REV3L: variants seen among roughly 807,000 people sequenced by gnomAD.
The protein encoded by REV3L is DNA polymerase zeta catalytic subunit.
In REV3L, 69 loss-of-function variants were observed where a neutral mutation model predicts 299.4. That is an observed-to-expected ratio of 0.23 (90% CI 0.19 to 0.28). The LOEUF (loss-of-function observed/expected upper bound fraction) is 0.28. Ranked by LOEUF, REV3L falls within the 10% of genes least tolerant of loss-of-function variation. The pLI is 1.00. For missense variants in REV3L, 3,128 were observed against 3,693.8 expected (o/e 0.85, Z 3.97); for synonymous variants, 1,238 against 1,271.4 (o/e 0.97, Z 0.56).
chr6:111,382,156 A>T (rs951541733), intron 9 of REV3L, among the ~76,000 whole-genome samples: 1 of 152,224 alleles, frequency 6.6e-6, no homozygotes, highest in Admixed American at 6.5e-5. Context: ...ATATTAGTCC[A>T]TGTGGCCATA....
At chr6:111,372,242 T>A (rs1779874184) in intron 13 of REV3L, among the ~76,000 whole-genome samples, 1 of 152,200 alleles carries the variant, frequency 6.6e-6, no homozygotes, top group Non-Finnish European at 1.5e-5. Flanking sequence ...GTTTAACATT[T>A]AAAAATTAAA....
chr6:111,457,202 C>G (rs181215611), intron 1 of REV3L, among the ~76,000 whole-genome samples: 246 of 152,056 alleles, frequency 1.6e-3, no homozygotes, highest in African/African-American at 5.5e-3. Flanking sequence ...AAAATAAAAA[C>G]ATCTAGGTCT....
intron 11 of REV3L, among the ~76,000 whole-genome samples, chr6:111,379,033 A>G (rs1780575834): frequency 6.6e-6 from 1 of 152,168 alleles, no homozygotes; most frequent in African/African-American, 2.4e-5. Flanking sequence ...TCTCTAATAT[A>G]TGTGTACAAA....
chr6:111,483,466 G>A (rs1400134739), upstream of REV3L: 5 of 510,700 alleles, frequency 9.8e-6, no homozygotes, highest in African/African-American at 2.0e-5. Flanking sequence ...CCTGGGTGAG[G>A]GGCAGCGGAA....
chr6:111,326,292 AAAC>A (rs1351526117), intron 25 of REV3L, among the ~76,000 whole-genome samples: 1 of 152,224 alleles, frequency 6.6e-6, no homozygotes, highest in East Asian at 1.9e-4. Flanking sequence ...AGTAGGAAAA[AAAC>A]AAATAATTCG....
intron 3 of REV3L, 66 bp downstream of exon 3, chr6:111,411,414 A>T: frequency 9.2e-7 from 1 of 1,092,326 alleles, no homozygotes; most frequent in Non-Finnish European, 1.3e-6. Flanking sequence ...TTCTTTCTAG[A>T]TTTTTTTTAT....
At chr6:111,447,770 C>G (rs1789028514) in intron 1 of REV3L, among the ~76,000 whole-genome samples, 1 of 152,178 alleles carries the variant, frequency 6.6e-6, no homozygotes, top group Non-Finnish European at 1.5e-5. Flanking sequence ...GTCAACCCCT[C>G]TTTCAGAATA....
chr6:111,425,599 G>T (rs1419289193), intron 1 of REV3L, among the ~76,000 whole-genome samples: 1 of 152,072 alleles, frequency 6.6e-6, no homozygotes, highest in East Asian at 1.9e-4. Flanking sequence ...AAAATGTCTG[G>T]TTTTCAACAA....
At chr6:111,434,388 G>A (rs1285595591) in intron 1 of REV3L, among the ~76,000 whole-genome samples, 1 of 151,614 alleles carries the variant, frequency 6.6e-6, no homozygotes, top group Non-Finnish European at 1.5e-5. Context: ...GCCGAAGTGG[G>A]CGCATCACCA....
In REV3L at chr6:111,311,229, C is replaced by A; in HGVS notation, c.8635G>T (p.Glu2879Ter). 1 of 1,608,804 alleles carries A rather than the reference C, an allele frequency of 6.2e-7. No individual in the cohort carries two copies. Among genetic ancestry groups the A allele is most frequent in the Non-Finnish European group, 8.5e-7 (1 of 1,177,790 alleles). Reference protein sequence around the residue: ...ILERSLKLLFETRDISLIKQY... With the variant: ...ILERSLKLLF ...TTAATTAGACTTATATCTCTCGTTT[C>A]AAATAGCAGCTTTAGAGAACGCTCA... The change falls in exon 29 of 32, where the codon GAA becomes TAA. Residue 2879 changes from glutamate to a stop codon, truncating the protein, a stop_gained. Transcript: ENST00000368802. LOFTEE classifies it high-confidence loss of function.
chr6:111,365,781 A>G (rs1410211963), intron 14 of REV3L, among the ~76,000 whole-genome samples: 1 of 152,172 alleles, frequency 6.6e-6, no homozygotes, highest in African/African-American at 2.4e-5. Flanking sequence ...GTAGTCAAGG[A>G]GATTAGGGAA....
At chr6:111,467,273 G>A (rs533278131) in intron 1 of REV3L, among the ~76,000 whole-genome samples, 2 of 152,324 alleles carry the variant, frequency 1.3e-5, no homozygotes, top group African/African-American at 4.8e-5. Flanking sequence ...GTCAGATGTG[G>A]CATAGGAGGT....
At chr6:111,308,309 G>A in intron 30 of REV3L, 1 of 451,362 alleles carries the variant, frequency 2.2e-6, no homozygotes, top group South Asian at 1.6e-5. Flanking sequence ...TCTTGCCGAT[G>A]ATGAAATGAA....
At chr6:111,318,259 T>C (rs184214217) in intron 26 of REV3L, among the ~76,000 whole-genome samples, 506 of 151,422 alleles carry the variant, frequency 3.3e-3, no homozygotes, top group Non-Finnish European at 5.1e-3. Flanking sequence ...GGCTAATTTT[T>C]TGTATTTTTA....
At chr6:111,355,198 G>A (rs1313424344) in intron 18 of REV3L, among the ~76,000 whole-genome samples, 4 of 152,020 alleles carry the variant, frequency 2.6e-5, no homozygotes, top group African/African-American at 7.2e-5. Context: ...TATTAAAAAT[G>A]GAAAAATAAA....
chr6:111,459,409 A>G (rs1790505652), intron 1 of REV3L, among the ~76,000 whole-genome samples: 1 of 152,132 alleles, frequency 6.6e-6, no homozygotes, highest in South Asian at 2.1e-4. Context: ...AAACAATTGC[A>G]ACAAAACCAA....
Position 111,374,433 on chromosome 6 carries a change from A to C in REV3L, c.3922T>G (p.Leu1308Val). 2 of 1,614,010 alleles carry C rather than the reference A, an allele frequency of 1.2e-6. No individual in the cohort carries two copies. Among genetic ancestry groups the C allele is most frequent in the South Asian group, 1.1e-5 (1 of 91,070 alleles). ...SFLESKKSVD[L>V]QTFPSSRDDL... Reference sequence around the variant, plus strand: ...TCTCGTGAACTGGGGAATGTCTGCAAATCTACAGACTTCTTGCTTTCTAAG... The same window carrying C: ...TCTCGTGAACTGGGGAATGTCTGCACATCTACAGACTTCTTGCTTTCTAAG... The change falls in exon 13 of 32, where the codon TTG (leucine) becomes GTG (valine). Residue 1308 changes from leucine to valine, a missense_variant. Leu to Val is a conservative substitution (Grantham distance 32). Around this residue, in one of 9 missense-constraint regions of REV3L, gnomAD observed 2,409 missense variants for 2,611.8 expected, o/e 0.92. Coordinates refer to ENST00000368802, the MANE Select transcript of REV3L (RefSeq NM_001372078.1).
At chr6:111,429,586 T>G (rs1786614478) in intron 1 of REV3L, among the ~76,000 whole-genome samples, 1 of 152,204 alleles carries the variant, frequency 6.6e-6, no homozygotes, top group Non-Finnish European at 1.5e-5. Context: ...ACAGTAATAC[T>G]TATAGCAACC....
In REV3L at chr6:111,367,667, C is replaced by T. The variant is rs772387605; in HGVS notation, c.6121G>A (p.Val2041Ile). 6 of 1,614,198 alleles carry T rather than the reference C, an allele frequency of 3.7e-6. No individual in the cohort carries two copies. The highest frequency in any genetic ancestry group is 4.2e-6 in the Non-Finnish European group (5 of 1,180,032). The change falls in exon 14 of 32, where the codon GTT (valine) becomes ATT (isoleucine). Residue 2041 changes from valine to isoleucine, a missense_variant. Val to Ile is a conservative substitution (Grantham distance 29, BLOSUM62 3). Transcript: ENST00000368802. ...VKSAENFSSS[V>I]NPDDKPVVPP... ...ACTACAGGTTTGTCATCTGGGTTAA[C>T]TGAAGAGCTAAAGTTCTCAGCAGAT... is the stretch of plus-strand genomic sequence containing the variant.
Sources: gnomAD v4.1 joint callset for allele counts (sites outside exome capture counted in the v4.1 genomes callset) on GRCh38, gnomAD v4.1.1 for gene constraint, gnomAD v4.1.1 regional missense constraint, MANE v1.5 for transcripts, NCBI Gene and HGNC (gene_info 2026-07-23, HGNC 2026-07-21) for gene names.